Variants in CYP2C18 observed in about 807,000 individuals in gnomAD.
CYP2C18 encodes cytochrome P450 family 2 subfamily C member 18.
In CYP2C18, 38 loss-of-function variants were observed where a neutral mutation model predicts 41.3. The ratio of observed to expected loss-of-function variants is 0.92; its 90% confidence interval spans 0.71 to 1.21. CYP2C18 has a LOEUF of 1.21. CYP2C18 is among the 50% of genes most tolerant of loss of function. CYP2C18 has a pLI of 0.00. For missense variants in CYP2C18, 635 were observed against 591.4 expected (o/e 1.07, Z -0.77); for synonymous variants, 236 against 210.0 (o/e 1.12, Z -1.07).
At chr10:94,703,792 C>A (rs1219616049) in intron 4 of CYP2C18, among the ~76,000 whole-genome samples, 1 of 152,154 alleles carries the variant, frequency 6.6e-6, no homozygotes, top group African/African-American at 2.4e-5. Flanking sequence ...GAAAAAAAGA[C>A]TTTTGTAGCT....
intron 4 of CYP2C18, among the ~76,000 whole-genome samples, chr10:94,697,698 G>T (rs1847146108): frequency 6.6e-6 from 1 of 152,154 alleles, no homozygotes; most frequent in African/African-American, 2.4e-5. Flanking sequence ...ATTGGATAAA[G>T]AGTCAAGATC....
At chr10:94,693,804 C>G (rs1454290336) in intron 3 of CYP2C18, among the ~76,000 whole-genome samples, 1 of 152,162 alleles carries the variant, frequency 6.6e-6, no homozygotes. Flanking sequence ...TAATTACATT[C>G]ATGATACTCT....
intron 8 of CYP2C18, chr10:94,733,661 C>A: frequency 1.1e-6 from 1 of 925,338 alleles, no homozygotes; most frequent in Non-Finnish European, 1.3e-6. Context: ...ACTGAAAAAG[C>A]TAGAATGTAG....
intron 5 of CYP2C18, among the ~76,000 whole-genome samples, chr10:94,716,611 A>T (rs1039420264): frequency 1.2e-4 from 19 of 152,176 alleles, no homozygotes; most frequent in African/African-American, 4.6e-4. Flanking sequence ...CTATGTGGTC[A>T]GTTTTGGAAT....
intron 5 of CYP2C18, 137 bp downstream of exon 5, chr10:94,707,097 G>T: frequency 1.8e-6 from 1 of 545,814 alleles, no homozygotes; most frequent in Non-Finnish European, 3.1e-6. Flanking sequence ...GAAGCACCAT[G>T]GAGAATTTAT....
intron 5 of CYP2C18, among the ~76,000 whole-genome samples, chr10:94,711,488 A>C (rs984179673): frequency 6.6e-6 from 1 of 151,754 alleles, no homozygotes; most frequent in African/African-American, 2.4e-5. Flanking sequence ...GGCTCACTTT[A>C]GCTCGACCTT....
intron 3 of CYP2C18, among the ~76,000 whole-genome samples, chr10:94,693,458 G>T (rs1441646600): frequency 1.3e-5 from 2 of 152,192 alleles, no homozygotes; most frequent in African/African-American, 4.8e-5. Context: ...AAATTACCTA[G>T]TCTCAGGTAT....
chr10:94,689,726 G>A (rs1280745760), intron 3 of CYP2C18, among the ~76,000 whole-genome samples: 8 of 151,998 alleles, frequency 5.3e-5, no homozygotes, highest in Middle Eastern at 3.2e-3. Context: ...AAAAAGGTCC[G>A]TACATGTTCT....
At chr10:94,690,100 T>A (rs533725876) in intron 3 of CYP2C18, among the ~76,000 whole-genome samples, 1 of 152,212 alleles carries the variant, frequency 6.6e-6, no homozygotes, top group East Asian at 1.9e-4. Context: ...CCGTGAGTAA[T>A]GAACTATCTT....
At chr10:94,713,526 G>C (rs1313811481) in intron 5 of CYP2C18, among the ~76,000 whole-genome samples, 6 of 152,038 alleles carry the variant, frequency 3.9e-5, no homozygotes, top group Non-Finnish European at 7.4e-5. Context: ...CTTTTTTATG[G>C]CTGCATATAT....
chr10:94,701,406 G>A (rs1459455922), intron 4 of CYP2C18, among the ~76,000 whole-genome samples: 1 of 152,084 alleles, frequency 6.6e-6, no homozygotes, highest in Non-Finnish European at 1.5e-5. Context: ...ACTTATAGGT[G>A]GGAATTGAAC....
intron 5 of CYP2C18, 56 bp downstream of exon 5, chr10:94,707,016 AT>A: frequency 6.7e-7 from 1 of 1,488,866 alleles, no homozygotes; most frequent in Non-Finnish European, 9.2e-7. Flanking sequence ...TTCTATAACG[AT>A]TGCTTAAATA....
intron 3 of CYP2C18, among the ~76,000 whole-genome samples, chr10:94,690,938 A>C (rs1176890892): frequency 6.6e-6 from 1 of 151,936 alleles, no homozygotes; most frequent in Non-Finnish European, 1.5e-5. Flanking sequence ...TGATTATCTC[A>C]ACAGATGCAG....
At chr10:94,728,815 T>G (rs1392760702) in intron 7 of CYP2C18, among the ~76,000 whole-genome samples, 1 of 152,092 alleles carries the variant, frequency 6.6e-6, no homozygotes, top group Non-Finnish European at 1.5e-5. Context: ...AAAATTCAAC[T>G]GATACAGAAC....
chr10:94,698,251 T>C (rs1469615958), intron 4 of CYP2C18, among the ~76,000 whole-genome samples: 1 of 152,108 alleles, frequency 6.6e-6, no homozygotes, highest in East Asian at 1.9e-4. Context: ...CCTCAGCAAA[T>C]GTAAGAGAAC....
intron 5 of CYP2C18, among the ~76,000 whole-genome samples, chr10:94,715,981 A>G (rs555654942): frequency 5.3e-5 from 8 of 152,230 alleles, no homozygotes; most frequent in African/African-American, 1.9e-4. Flanking sequence ...AGAGGTGTTT[A>G]TAGTATGCTC....
chr10:94,703,755 A>G (rs1385260891), intron 4 of CYP2C18, among the ~76,000 whole-genome samples: 1 of 152,060 alleles, frequency 6.6e-6, no homozygotes, highest in African/African-American at 2.4e-5. Flanking sequence ...GTTCTGTCTC[A>G]CTGGAATTCA....
chr10:94,720,596 G>T, intron 6 of CYP2C18, 59 bp downstream of exon 6: 1 of 1,483,484 alleles, frequency 6.7e-7, no homozygotes, highest in Non-Finnish European at 9.3e-7. Context: ...GGAAGACACT[G>T]CTATTGTCCT....
Position 94,706,811 on chromosome 10 carries a change from G to A in CYP2C18, c.670G>A (p.Asp224Asn), listed in dbSNP as rs201869881. Residue 224 changes from aspartate to asparagine, a missense_variant, in exon 5 of 9, where the codon GAT (aspartate) becomes AAT (asparagine). Asp to Asn is a conservative substitution (Grantham distance 23). Transcript: ENST00000285979. ...CTGCAATAATTTCCCTGCTCTCATC[G>A]ATTATCTCCCAGGAAGTCATAATAA... The part of the protein sequence containing the change: ...QVCNNFPALI[D>N]YLPGSHNKIA... 21 of 1,597,952 alleles carry A rather than the reference G, an allele frequency of 1.3e-5. No individual in the cohort carries two copies. Among genetic ancestry groups the A allele is most frequent in the East Asian group, 9.0e-5 (4 of 44,570 alleles).
Sources: allele counts gnomAD v4.1 joint callset (sites outside exome capture counted in the v4.1 genomes callset), GRCh38; gene constraint gnomAD v4.1.1; transcripts MANE v1.5; gene names NCBI Gene and HGNC (gene_info 2026-07-23, HGNC 2026-07-21).